PRDX5: variants seen among roughly 807,000 people sequenced by gnomAD.
PRDX5 encodes peroxiredoxin 5, also known as peroxiredoxin-5, mitochondrial.
In PRDX5, 21 loss-of-function variants were observed where a neutral mutation model predicts 23.8. The observed-to-expected ratio is 0.88, with a 90% CI of 0.63 to 1.27. PRDX5 has a LOEUF of 1.27. PRDX5 is among the 50% of genes most tolerant of loss of function. The pLI is 0.00. For missense variants in PRDX5, 261 were observed against 270.6 expected (o/e 0.96, Z 0.25); for synonymous variants, 111 against 113.3 (o/e 0.98, Z 0.13).
rs1164234166 is a variant in PRDX5, at chr11:64,318,253, C to A, written c.38C>A (p.Ala13Glu). The change falls in exon 1 of 6, where the codon GCG becomes GAG. Residue 13 changes from alanine to glutamate, a missense_variant. Physicochemically the swap from Ala to Glu is moderately radical, Grantham distance 107. Transcript: ENST00000265462. ...LAGVCALRRS[A>E]GYILVGGAGG... ...GGCGTGTGCGCCCTGAGACGCTCAG[C>A]GGGCTATATACTCGTCGGTGGGGCC... 2.0e-5 allele frequency: 32 copies of A among 1,612,032 alleles called. No individual in the cohort carries two copies. The highest frequency in any genetic ancestry group is 2.6e-5 in the Non-Finnish European group (31 of 1,179,866).
At chr11:64,321,212 G>T in intron 5 of PRDX5, 144 bp downstream of exon 5, 1 of 1,004,318 alleles carries the variant, frequency 1.0e-6, no homozygotes, top group Non-Finnish European at 1.5e-6. Context: ...TCTGTGGGGA[G>T]AGTCCTGTGT....
At position 64,321,667 on chromosome 11, in the gene PRDX5, A is replaced by C. The variant is rs1430912724; in HGVS notation, c.621A>C (p.Ala207=). The change falls in exon 6 of 6, where the codon GCA becomes GCC. Residue 207 remains alanine, a synonymous_variant. Transcript: ENST00000265462. ...PDGTGLTCSL[A]PNIISQL ...GCACAGGCCTCACCTGCAGCCTGGC[A>C]CCCAATATCATCTCACAGCTCTGAG... The C allele has an allele frequency of 6.3e-7, 1 of 1,595,490 alleles. No homozygotes were observed. The highest frequency in any genetic ancestry group is 8.5e-7 in the Non-Finnish European group (1 of 1,171,258).
At chr11:64,320,951 G>C in intron 4 of PRDX5, 48 bp downstream of exon 4, 1 of 1,613,928 alleles carries the variant, frequency 6.2e-7, no homozygotes, top group Admixed American at 1.7e-5. Flanking sequence ...GCGGGGAGCA[G>C]TGGGGGCCCT....
At chr11:64,320,570 G>C in intron 2 of PRDX5, 91 bp from the exon 3 acceptor site, 2 of 1,501,186 alleles carry the variant, frequency 1.3e-6, no homozygotes, top group Non-Finnish European at 1.8e-6. Flanking sequence ...AAGGTGTTGA[G>C]GCAGAGCACT....
At chr11:64,318,527 C>G in intron 1 of PRDX5, 141 bp downstream of exon 1, 1 of 1,102,926 alleles carries the variant, frequency 9.1e-7, no homozygotes, top group Non-Finnish European at 1.3e-6. Context: ...TCAGAAGGCC[C>G]TCGTGGCTGC....
intron 1 of PRDX5, among the ~76,000 whole-genome samples, chr11:64,318,890 T>C (rs960718218): frequency 8.2e-6 from 1 of 121,770 alleles, no homozygotes; most frequent in Non-Finnish European, 1.6e-5. Flanking sequence ...ATTACAGGTG[T>C]GAGACACCAC....
intron 1 of PRDX5, 59 bp from the exon 2 acceptor site, chr11:64,319,675 C>G: frequency 6.4e-7 from 1 of 1,560,550 alleles, no homozygotes; most frequent in African/African-American, 1.4e-5. Flanking sequence ...TGTTCACCTT[C>G]CTGCCTCTGG....
At position 64,320,689 on chromosome 11, in the gene PRDX5, C is replaced by G; in HGVS notation, c.335C>G (p.Ala112Gly). Residue 112 changes from alanine to glycine, a missense_variant, in exon 3 of 6, where the codon GCT becomes GGT. Coordinates refer to ENST00000265462, the MANE Select transcript of PRDX5 (RefSeq NM_012094.5). ...CACCTGCCAGGGTTTGTGGAGCAGG[C>G]TGAGGCTCTGAAGGCCAAGGGAGTC... ...KTHLPGFVEQ[A>G]EALKAKGVQV... is the part of the protein sequence containing the mutation. 1 of 1,609,856 alleles carries G rather than the reference C, an allele frequency of 6.2e-7. No homozygotes were observed. Among genetic ancestry groups the G allele is most frequent in the Non-Finnish European group, 8.5e-7 (1 of 1,177,004 alleles).
rs542727106 is a variant in PRDX5 at position 64,319,594 on chromosome 11, G to A, written c.172-140G>A. 1.4e-5 allele frequency: 16 copies of A among 1,164,906 alleles called. 1 individual carries two copies. The South Asian group carries it at 2.3e-4, about 16-fold the overall frequency. 72.2% of individuals were successfully genotyped at this position (1,164,906 alleles called of 1,614,324 possible). A position where few individuals can be genotyped will look rare whatever the true frequency, so the allele number is the denominator to read the frequency against. On this transcript the variant is annotated intron_variant, in intron 1 of 5. Transcript: ENST00000265462. ...TGGGAGCGGGCAGGGAGGGCCCTTG[G>A]AAACTGACAGGGCTGGAGTATCCTG...
In PRDX5 at chr11:64,318,827, C is replaced by T. The variant is rs765971894; in HGVS notation, c.171+441C>T. Among the ~76,000 whole-genome samples the T allele has an allele frequency of 1.6e-3, 248 of 150,638 alleles. 1 individual carries two copies. The highest frequency in any genetic ancestry group is 3.1e-3 in the Non-Finnish European group (208 of 67,620). ...GTTCAGATTGGTCTCGAACTCCTGA[C>T]CTCAGGTGAACCCCCCCCGCCCCCC... On this transcript the variant is annotated intron_variant, in intron 1 of 5. Coordinates refer to ENST00000265462, the MANE Select transcript of PRDX5 (RefSeq NM_012094.5).
chr11:64,321,569 G>GC lies in PRDX5; in HGVS notation c.540-13dup. The GC allele has an allele frequency of 6.2e-7, 1 of 1,610,844 alleles. No homozygotes were observed. Among genetic ancestry groups the GC allele is most frequent in the African/African-American group, 1.3e-5 (1 of 74,968 alleles). ...AGCCCAGGCTGATGCAGCTGGCTGG[G>GC]CCCCTCTTTCCGGCAGGTTCTCCAT... is the stretch of plus-strand genomic sequence containing the variant. On this transcript the variant is annotated splice_polypyrimidine_tract_variant and intron_variant, in intron 5 of 5. Transcript: ENST00000265462.
intron 5 of PRDX5, 95 bp from the exon 6 acceptor site, chr11:64,321,491 G>T: frequency 6.5e-7 from 1 of 1,545,356 alleles, no homozygotes; most frequent in South Asian, 1.3e-5. Flanking sequence ...GTCCTCTCTG[G>T]AGTTCTCTTG....
intron 2 of PRDX5, among the ~76,000 whole-genome samples, chr11:64,320,178 G>A (rs2035454913): frequency 6.6e-6 from 1 of 152,164 alleles, no homozygotes; most frequent in Admixed American, 6.5e-5. Flanking sequence ...TACTGGGGAG[G>A]CTGAGGCAGA....
intron 1 of PRDX5, 33 bp downstream of exon 1, chr11:64,318,419 C>G (rs755497893): frequency 6.3e-7 from 1 of 1,579,874 alleles, no homozygotes; most frequent in South Asian, 1.1e-5. Flanking sequence ...CTGACATCCC[C>G]CACTACCCCC....
Position 64,318,270 on chromosome 11 carries a change from G to T in PRDX5, c.55G>T (p.Gly19Cys). ...LRRSAGYILV[G>C]GAGGQSAAAA... is the part of the protein sequence containing the mutation. Reference sequence around the variant, plus strand: ...ACGCTCAGCGGGCTATATACTCGTCGGTGGGGCCGGCGGTCAGTCTGCGGC... The same window carrying T: ...ACGCTCAGCGGGCTATATACTCGTCTGTGGGGCCGGCGGTCAGTCTGCGGC... Residue 19 changes from glycine to cysteine, a missense_variant, in exon 1 of 6, where the codon GGT becomes TGT. By Grantham distance (159) the Gly-to-Cys change is radical (BLOSUM62 -3). Transcript: ENST00000265462. The T allele has an allele frequency of 1.2e-6, 2 of 1,612,464 alleles. No individual in the cohort carries two copies. Among genetic ancestry groups the T allele is most frequent in the Non-Finnish European group, 1.7e-6 (2 of 1,179,910 alleles).
rs2035364798 is a variant in PRDX5, at chr11:64,318,212, G to A, written c.-4G>A. 6.2e-7 allele frequency: 1 copy of A among 1,611,340 alleles called. No homozygotes were observed. The highest frequency in any genetic ancestry group is 8.5e-7 in the Non-Finnish European group (1 of 1,179,644). On this transcript the variant is annotated 5_prime_UTR_variant, in exon 1 of 6. Transcript: ENST00000265462. ...GGCGGAGTGGAAGTGGCCGTGGGGC[G>A]GGTATGGGACTAGCTGGCGTGTGCG...
intron 1 of PRDX5, 77 bp downstream of exon 1, chr11:64,318,463 C>T: frequency 2.0e-6 from 3 of 1,510,196 alleles, no homozygotes; most frequent in Non-Finnish European, 2.7e-6. Flanking sequence ...CTGAGAGTAT[C>T]GCTTTATTTC....
rs45615733 is a variant in PRDX5 at position 64,321,479 on chromosome 11, G to T, written c.540-107G>T. The T allele has an allele frequency of 1.5e-3, 2,216 of 1,524,108 alleles. 30 individuals are homozygous for T. The African/African-American group carries it at 0.027, about 19-fold the overall frequency. The allele number at this position is 1,524,108 out of a possible 1,614,324, so 94.4% of individuals were successfully genotyped here. A position where few individuals can be genotyped will look rare whatever the true frequency, so the allele number is the denominator to read the frequency against. On this transcript the variant is annotated intron_variant, in intron 5 of 5. Transcript: ENST00000265462. ...TGTGGGGGAGAGTCCTCTGTGGGGG[G>T]AGTCCTCTCTGGAGTTCTCTTGGGC...
At chr11:64,318,441 C>G (rs1038272111) in intron 1 of PRDX5, 55 bp downstream of exon 1, 2 of 1,545,748 alleles carry the variant, frequency 1.3e-6, no homozygotes, top group African/African-American at 1.4e-5. Context: ...TGGCAATCCC[C>G]GTCCCGCTAG....
Sources: gnomAD v4.1 joint callset for allele counts (sites outside exome capture counted in the v4.1 genomes callset) on GRCh38, gnomAD v4.1.1 for gene constraint, MANE v1.5 for transcripts, NCBI Gene and HGNC (gene_info 2026-07-23, HGNC 2026-07-21) for gene names.